KHDRBS2: variants seen among roughly 807,000 people sequenced by gnomAD.
KHDRBS2 encodes the protein KH domain-containing, RNA-binding, signal transduction-associated protein 2.
KHDRBS2 carries 26 observed loss-of-function variants against 44.3 expected under a neutral mutation model. The ratio of observed to expected loss-of-function variants is 0.59; its 90% CI spans 0.43 to 0.81. The LOEUF (loss-of-function observed/expected upper bound fraction) is 0.81. Ranked by LOEUF, KHDRBS2 falls within the 40% of genes least tolerant of loss-of-function variation. The probability of loss-of-function intolerance (pLI) is 0.00; values close to 1 mark genes in which losing one functional copy is unlikely to be tolerated. For synonymous variants in KHDRBS2, 194 were observed against 151.1 expected (o/e 1.28, Z -2.08); for missense variants, 476 against 433.1 (o/e 1.10, Z -0.88).
intron 6 of KHDRBS2, among the ~76,000 whole-genome samples, chr6:61,787,455 C>T (rs995120499): frequency 1.8e-4 from 27 of 151,808 alleles, no homozygotes; most frequent in Non-Finnish European, 2.5e-4. Context: ...TTATCTCTTG[C>T]GGTTTTTCAT....
chr6:61,719,854 T>A (rs1165802535), intron 7 of KHDRBS2, among the ~76,000 whole-genome samples: 2 of 152,124 alleles, frequency 1.3e-5, no homozygotes, highest in African/African-American at 2.4e-5. Flanking sequence ...TGTATACATG[T>A]GCCATGTTGG....
chr6:61,905,448 A>AT (rs1468055145), intron 4 of KHDRBS2, among the ~76,000 whole-genome samples: 1 of 152,054 alleles, frequency 6.6e-6, no homozygotes, highest in Non-Finnish European at 1.5e-5. Context: ...AAAAAGAGGA[A>AT]TGAAAAAAAA....
At chr6:61,840,426 G>A (rs1474417982) in intron 6 of KHDRBS2, among the ~76,000 whole-genome samples, 2 of 152,004 alleles carry the variant, frequency 1.3e-5, no homozygotes, top group Non-Finnish European at 2.9e-5. Context: ...AATGACTAAA[G>A]CTACTTTAAG....
chr6:62,182,016 C>T (rs1407762983), intron 1 of KHDRBS2, among the ~76,000 whole-genome samples: 2 of 151,956 alleles, frequency 1.3e-5, no homozygotes, highest in Admixed American at 6.6e-5. Context: ...TCATTCACCC[C>T]TTCAACAATG....
At chr6:61,675,033 T>C (rs1765844295), downstream of KHDRBS2, among the ~76,000 whole-genome samples, 1 of 151,794 alleles carries the variant, frequency 6.6e-6, no homozygotes, top group African/African-American at 2.4e-5. Flanking sequence ...TCTCTATTTA[T>C]GCAAGAAATG....
intron 1 of KHDRBS2, among the ~76,000 whole-genome samples, chr6:62,228,753 A>G (rs1832366748): frequency 6.6e-6 from 1 of 151,984 alleles, no homozygotes. Flanking sequence ...ATTGGTTTCA[A>G]AGAACTTCTT....
At chr6:62,009,305 AG>A (rs1779847418) in intron 3 of KHDRBS2, among the ~76,000 whole-genome samples, 2 of 152,284 alleles carry the variant, frequency 1.3e-5, no homozygotes, top group South Asian at 4.1e-4. Flanking sequence ...GAAATGATTT[AG>A]GGTATCAGTT....
Position 62,065,506 on chromosome 6 carries a change from C to G in KHDRBS2, c.220-17512G>C, listed in dbSNP as rs1793402506. Among the ~76,000 whole-genome samples, 2 of 151,034 alleles carry G rather than the reference C, an allele frequency of 1.3e-5. 1 individual carries two copies. ...TAGGGACATGGATGAAATTGGAAAT[C>G]ATCATTCTCAGTAAACTATCGCAAG... On this transcript the variant is annotated intron_variant, in intron 2 of 8. Transcript: ENST00000281156.
chr6:61,858,289 G>A (rs952276517), intron 6 of KHDRBS2, among the ~76,000 whole-genome samples: 17 of 148,988 alleles, frequency 1.1e-4, no homozygotes, highest in African/African-American at 2.2e-4. Context: ...ACATTTTTCC[G>A]TATTATGCAA....
At chr6:61,635,669 T>G in the KHDRBS2 span, among the ~76,000 whole-genome samples, 1 of 152,030 alleles carries the variant, frequency 6.6e-6, no homozygotes, top group African/African-American at 2.4e-5. Context: ...ATAATTCAAC[T>G]TAAATCTCAA....
At chr6:61,887,921 G>A (rs1386213496) in intron 6 of KHDRBS2, among the ~76,000 whole-genome samples, 1 of 152,100 alleles carries the variant, frequency 6.6e-6, no homozygotes, top group Admixed American at 6.5e-5. Flanking sequence ...ATTGCAGCCA[G>A]CAGCCTATCA....
chr6:61,575,005 A>G, the KHDRBS2 span, among the ~76,000 whole-genome samples: 1 of 152,248 alleles, frequency 6.6e-6, no homozygotes, highest in Non-Finnish European at 1.5e-5. Flanking sequence ...GAAACTATAA[A>G]AATTCTAAAA....
chr6:61,558,817 G>T, the KHDRBS2 span, among the ~76,000 whole-genome samples: 2 of 152,082 alleles, frequency 1.3e-5, no homozygotes, highest in South Asian at 4.1e-4. Flanking sequence ...ATTGTTTAAG[G>T]CTTGGTTTTG....
rs1831774599 is a variant in KHDRBS2 at position 62,226,159 on chromosome 6, G to C, written c.92-48847C>G. On this transcript the variant is annotated intron_variant, in intron 1 of 8. Transcript: ENST00000281156. Reference sequence around the variant, plus strand: ...ACTAATTTACATTCCCATCAATAGTGTAAAAGCACTCTTATTTCTCCACAG... The same window carrying C: ...ACTAATTTACATTCCCATCAATAGTCTAAAAGCACTCTTATTTCTCCACAG... Among the ~76,000 whole-genome samples the C allele has an allele frequency of 2.6e-5, 4 of 152,266 alleles. No individual in the cohort carries two copies. In the South Asian group the frequency reaches 6.2e-4, roughly 24 times the overall value.
chr6:61,853,195 G>A (rs551438387), intron 6 of KHDRBS2, among the ~76,000 whole-genome samples: 1 of 152,180 alleles, frequency 6.6e-6, no homozygotes, highest in Admixed American at 6.5e-5. Context: ...TCTGCTTCTT[G>A]GGCATTATGT....
intron 2 of KHDRBS2, among the ~76,000 whole-genome samples, chr6:62,132,907 T>G (rs533130688): frequency 1.8e-4 from 27 of 152,290 alleles, no homozygotes; most frequent in Non-Finnish European, 2.5e-4. Flanking sequence ...TTGATCTAAT[T>G]TGCTCATAAA....
chr6:61,977,036 G>C (rs1350276451), intron 4 of KHDRBS2, among the ~76,000 whole-genome samples: 2 of 152,040 alleles, frequency 1.3e-5, no homozygotes, highest in East Asian at 3.9e-4. Context: ...TTTTAAACTG[G>C]ACATATAAAT....
At chr6:61,874,278 T>C (rs1799080382) in intron 6 of KHDRBS2, among the ~76,000 whole-genome samples, 1 of 152,214 alleles carries the variant, frequency 6.6e-6, no homozygotes, top group South Asian at 2.1e-4. Context: ...AGAATTAATT[T>C]TTTAATGAAA....
At chr6:62,204,477 A>G (rs1396631177) in intron 1 of KHDRBS2, among the ~76,000 whole-genome samples, 1 of 152,166 alleles carries the variant, frequency 6.6e-6, no homozygotes, top group Admixed American at 6.6e-5. Flanking sequence ...AAATATTTGC[A>G]TTATACTTAA....
Sources: gnomAD v4.1 joint callset for allele counts (sites outside exome capture counted in the v4.1 genomes callset) on GRCh38, gnomAD v4.1.1 for gene constraint, MANE v1.5 for transcripts, NCBI Gene and HGNC (gene_info 2026-07-23, HGNC 2026-07-21) for gene names.